The following NKAIN2 variants were observed in gnomAD, a reference collection of about 807,000 sequenced individuals.
NKAIN2 encodes sodium/potassium transporting ATPase interacting 2, also known as sodium/potassium-transporting ATPase subunit beta-1-interacting protein 2.
NKAIN2 carries 14 observed loss-of-function variants against 32.6 expected under a neutral mutation model. That is an observed-to-expected ratio of 0.43 (90% CI 0.28 to 0.67). The LOEUF (loss-of-function observed/expected upper bound fraction) is 0.67, where lower values mean the gene tolerates loss of function less well. Ranked by LOEUF, NKAIN2 falls within the 30% of genes least tolerant of loss-of-function variation. NKAIN2 has a pLI of 0.17. For missense variants in NKAIN2, 198 were observed against 258.3 expected (o/e 0.77, Z 1.60); for synonymous variants, 80 against 87.2 (o/e 0.92, Z 0.46).
Position 123,849,490 on chromosome 6 carries a change from CA to C in NKAIN2, c.54+45237del, listed in dbSNP as rs567548897. Among the ~76,000 whole-genome samples the C allele has an allele frequency of 6.6e-5, 10 of 152,270 alleles. No homozygotes were observed. The South Asian group carries it at 2.1e-3, about 32-fold the overall frequency. On this transcript the variant is annotated intron_variant, in intron 1 of 6. Coordinates refer to ENST00000368417, the MANE Select transcript of NKAIN2 (RefSeq NM_001040214.3). ...CACCTTAGAGTCCCACTTAGGAAGC[CA>C]GGGGGATAGAGTCTTTGTACGTCCC...
intron 3 of NKAIN2, among the ~76,000 whole-genome samples, chr6:124,361,694 G>T (rs887234387): frequency 3.3e-5 from 5 of 151,996 alleles, no homozygotes; most frequent in Non-Finnish European, 7.4e-5. Flanking sequence ...ATATAAAAAA[G>T]TCATGTAACA....
chr6:124,525,619 C>T (rs1445528942), intron 3 of NKAIN2, among the ~76,000 whole-genome samples: 1 of 152,060 alleles, frequency 6.6e-6, no homozygotes, highest in African/African-American at 2.4e-5. Flanking sequence ...TATCCCCTGT[C>T]ATAATAATGT....
At chr6:124,453,859 G>A (rs1583277032) in intron 3 of NKAIN2, among the ~76,000 whole-genome samples, 1 of 152,154 alleles carries the variant, frequency 6.6e-6, no homozygotes, top group East Asian at 1.9e-4. Flanking sequence ...GTTAAAAAAA[G>A]TATTGATTTC....
chr6:124,094,486 T>C (rs1784567741), intron 1 of NKAIN2, among the ~76,000 whole-genome samples: 1 of 152,154 alleles, frequency 6.6e-6, no homozygotes, highest in Non-Finnish European at 1.5e-5. Flanking sequence ...TCTACAGGAA[T>C]CCACATGTTA....
chr6:124,412,765 C>G (rs1025360412), intron 3 of NKAIN2, among the ~76,000 whole-genome samples: 6 of 152,190 alleles, frequency 3.9e-5, no homozygotes, highest in African/African-American at 1.4e-4. Flanking sequence ...GTGCCCTGCC[C>G]CCAGAGGTGG....
intron 1 of NKAIN2, among the ~76,000 whole-genome samples, chr6:124,199,908 A>G (rs1052130585): frequency 1.3e-5 from 2 of 152,154 alleles, no homozygotes; most frequent in African/African-American, 2.4e-5. Context: ...TATCATCGAG[A>G]AAAAGTATAG....
intron 1 of NKAIN2, among the ~76,000 whole-genome samples, chr6:123,855,942 T>C (rs554111967): frequency 6.6e-6 from 1 of 152,310 alleles, no homozygotes; most frequent in South Asian, 2.1e-4. Context: ...CAGGGTGATA[T>C]CATTTTGAAG....
At chr6:124,015,490 T>C (rs1386019633) in intron 1 of NKAIN2, among the ~76,000 whole-genome samples, 4 of 152,206 alleles carry the variant, frequency 2.6e-5, no homozygotes, top group African/African-American at 9.6e-5. Context: ...CCCATCATCA[T>C]GAAGTCACAC....
intron 4 of NKAIN2, among the ~76,000 whole-genome samples, chr6:124,760,510 C>T (rs1431655536): frequency 1.3e-5 from 2 of 151,968 alleles, no homozygotes; most frequent in Admixed American, 1.3e-4. Flanking sequence ...CTTCCAGGCG[C>T]TTCCAGAACA....
At chr6:124,359,210 G>A (rs1435920800) in intron 3 of NKAIN2, among the ~76,000 whole-genome samples, 3 of 152,256 alleles carry the variant, frequency 2.0e-5, no homozygotes, top group Admixed American at 6.5e-5. Flanking sequence ...GTAGCGTGAT[G>A]CCTCCAGCTT....
At chr6:124,645,839 G>C (rs9491208) in intron 3 of NKAIN2, among the ~76,000 whole-genome samples, 42,150 of 152,034 alleles carry the variant, frequency 0.28, 6,064 homozygotes, top group African/African-American at 0.36. Context: ...TCTTTGCTCT[G>C]TTCACTCCTT....
intron 1 of NKAIN2, among the ~76,000 whole-genome samples, chr6:123,918,015 C>T (rs575013073): frequency 2.6e-5 from 4 of 152,142 alleles, no homozygotes; most frequent in African/African-American, 2.4e-5. Context: ...ATATTGAAAA[C>T]GATTATACTC....
chr6:124,539,154 A>T (rs185282554), intron 3 of NKAIN2, among the ~76,000 whole-genome samples: 9 of 152,088 alleles, frequency 5.9e-5, no homozygotes, highest in Admixed American at 5.9e-4. Flanking sequence ...TGAATATGTC[A>T]GTGTTCACTT....
At chr6:124,633,841 C>T (rs942499429) in intron 3 of NKAIN2, among the ~76,000 whole-genome samples, 2 of 152,288 alleles carry the variant, frequency 1.3e-5, no homozygotes, top group Middle Eastern at 3.4e-3. Context: ...ACCTTGCTTC[C>T]TCCACTGGTA....
intron 1 of NKAIN2, among the ~76,000 whole-genome samples, chr6:124,127,074 G>A (rs1786211474): frequency 6.6e-6 from 1 of 152,170 alleles, no homozygotes; most frequent in South Asian, 2.1e-4. Context: ...TATAGAGAGA[G>A]AGAGAAGAAA....
intron 2 of NKAIN2, among the ~76,000 whole-genome samples, chr6:124,323,923 G>C (rs954598064): frequency 1.3e-5 from 2 of 151,726 alleles, no homozygotes; most frequent in Non-Finnish European, 2.9e-5. Flanking sequence ...GAGGAGCTGG[G>C]ACTACAGGCG....
chr6:124,532,081 G>A (rs1244433152), intron 3 of NKAIN2, among the ~76,000 whole-genome samples: 1 of 152,204 alleles, frequency 6.6e-6, no homozygotes, highest in Non-Finnish European at 1.5e-5. Context: ...GGATGTAAAC[G>A]TTGGGGTGCT....
At chr6:124,557,143 A>G (rs1182116854) in intron 3 of NKAIN2, among the ~76,000 whole-genome samples, 1 of 152,188 alleles carries the variant, frequency 6.6e-6, no homozygotes, top group Non-Finnish European at 1.5e-5. Context: ...TAACATTAAC[A>G]TAGGCAAATA....
intron 3 of NKAIN2, among the ~76,000 whole-genome samples, chr6:124,412,344 A>G (rs1178857656): frequency 2.0e-5 from 3 of 152,096 alleles, no homozygotes; most frequent in African/African-American, 4.8e-5. Context: ...TGACGTACAG[A>G]TGGGTTTGGT....
Sources: gnomAD v4.1 joint callset for allele counts (sites outside exome capture counted in the v4.1 genomes callset) on GRCh38, gnomAD v4.1.1 for gene constraint, MANE v1.5 for transcripts, NCBI Gene and HGNC (gene_info 2026-07-23, HGNC 2026-07-21) for gene names.